The following POT1 variants were observed in gnomAD, a reference collection of about 807,000 sequenced individuals.
POT1 encodes protection of telomeres 1, also known as protection of telomeres protein 1.
Under a neutral mutation model 78.5 loss-of-function variants are expected in POT1, and 47 were observed. That is an observed-to-expected ratio of 0.60 (90% confidence interval 0.47 to 0.76). POT1 has a LOEUF of 0.76. POT1 is among the 30% of genes least tolerant of loss of function. POT1 has a pLI of 0.00. For missense variants in POT1, 646 were observed against 749.9 expected, an observed-to-expected ratio of 0.86 and a Z score of 1.62; for synonymous variants, 259 against 260.7, an observed-to-expected ratio of 0.99 and a Z score of 0.06.
chr7:124,867,672 A>T (rs1795763797), intron 7 of POT1, among the ~76,000 whole-genome samples: 1 of 151,416 alleles, frequency 6.6e-6, no homozygotes, highest in Non-Finnish European at 1.5e-5. Flanking sequence ...TTTTGGATGG[A>T]GTCGTGCTCT....
intron 11 of POT1, among the ~76,000 whole-genome samples, chr7:124,848,362 T>G (rs1033657186): frequency 1.3e-5 from 2 of 152,164 alleles, no homozygotes; most frequent in African/African-American, 4.8e-5. Flanking sequence ...AAATATAAAT[T>G]AATGAATGAA....
intron 3 of POT1, among the ~76,000 whole-genome samples, chr7:124,911,478 A>T (rs1796888397): frequency 6.6e-6 from 1 of 152,136 alleles, no homozygotes; most frequent in Admixed American, 6.6e-5. Flanking sequence ...TCAATATTTT[A>T]AAAATTTTAT....
rs1363149384 is a variant in POT1, at chr7:124,846,181, A to ACACACACACACACACC, written c.1006+760_1006+761insGGTGTGTGTGTGTGTG. Among the ~76,000 whole-genome samples the ACACACACACACACACC allele has an allele frequency of 2.6e-5, 4 of 151,944 alleles. 1 individual carries two copies. Among genetic ancestry groups the ACACACACACACACACC allele is most frequent in the African/African-American group, 9.7e-5 (4 of 41,426 alleles). The stretch of plus-strand genomic sequence containing the variant: ...CATACTGACACACACACACACACAC[A>ACACACACACACACACC]CACCCCTATAATATAAACAAATGTG... On this transcript the variant is annotated intron_variant, in intron 12 of 18. Coordinates refer to ENST00000357628, the MANE Select transcript of POT1 (RefSeq NM_015450.3).
chr7:124,906,673 T>C (rs977814061), intron 3 of POT1, among the ~76,000 whole-genome samples: 3 of 151,994 alleles, frequency 2.0e-5, no homozygotes, highest in African/African-American at 7.2e-5. Flanking sequence ...TAATGTCTTA[T>C]TCATGTGTAT....
chr7:124,870,356 A>G (rs1390079488), intron 7 of POT1, among the ~76,000 whole-genome samples: 2 of 152,090 alleles, frequency 1.3e-5, no homozygotes, highest in Non-Finnish European at 2.9e-5. Flanking sequence ...ACTCTACCCT[A>G]TATTAAAGGC....
At chr7:124,826,888 A>AAACC (rs1203019974) in intron 17 of POT1, among the ~76,000 whole-genome samples, 1 of 151,982 alleles carries the variant, frequency 6.6e-6, no homozygotes, top group Non-Finnish European at 1.5e-5. Flanking sequence ...ACAAACAAAC[A>AAACC]AACAAACAAA....
At position 124,852,981 on chromosome 7, in the gene POT1, T is replaced by G; in HGVS notation, c.860A>C (p.Gln287Pro). 1 of 1,609,978 alleles carries G rather than the reference T, an allele frequency of 6.2e-7. No individual in the cohort carries two copies. ...AATACTAAAAGCTTACTTTTTCAGTTGATCCACATCAGAGTTACTTTCTGG... is the reference window on the plus strand; with the variant it reads ...AATACTAAAAGCTTACTTTTTCAGTGGATCCACATCAGAGTTACTTTCTGG... ...VLPESNSDVD[Q>P]LKKDLESANL... Residue 287 changes from glutamine to proline, a missense_variant, in exon 10 of 19, where the codon CAA becomes CCA. Coordinates refer to ENST00000357628, the MANE Select transcript of POT1 (RefSeq NM_015450.3).
intron 4 of POT1, among the ~76,000 whole-genome samples, chr7:124,897,839 G>A (rs1040613052): frequency 6.6e-6 from 1 of 151,958 alleles, no homozygotes; most frequent in Admixed American, 6.6e-5. Context: ...GTGTGTGTGT[G>A]GAAGGTAGGG....
Position 124,892,364 on chromosome 7 carries a change from T to C in POT1, c.26A>G (p.Tyr9Cys). 2 of 1,474,268 alleles carry C rather than the reference T, an allele frequency of 1.4e-6. No homozygotes were observed. The highest frequency in any genetic ancestry group is 1.8e-6 in the Non-Finnish European group (2 of 1,114,798). The allele number at this position is 1,474,268 out of a possible 1,614,324, so 91.3% of individuals were successfully genotyped here. A position where few individuals can be genotyped will look rare whatever the true frequency, so the allele number is the denominator to read the frequency against. Reference sequence around the variant, plus strand: ...AAGTTGATTCAGGGGTGTATATATATAATTTGTTGCTGGAACCTAAAGAAA... The same window carrying C: ...AAGTTGATTCAGGGGTGTATATATACAATTTGTTGCTGGAACCTAAAGAAA... MSLVPATN[Y>C]IYTPLNQLKG... The change falls in exon 6 of 19, where the codon TAT becomes TGT. Residue 9 changes from tyrosine (Y) to cysteine (C), a missense_variant. Tyr to Cys is a radical substitution (Grantham distance 194, BLOSUM62 -2). This residue lies in a region of POT1 where 252 missense variants were observed against 341.4 expected (regional missense o/e 0.74). Transcript: ENST00000357628.
chr7:124,877,468 G>A (rs1796015932), intron 6 of POT1, among the ~76,000 whole-genome samples: 1 of 151,950 alleles, frequency 6.6e-6, no homozygotes, highest in South Asian at 2.1e-4. Context: ...TAGATAGAGA[G>A]CAGGCCTAGC....
chr7:124,847,587 T>C (rs898268872), intron 11 of POT1, among the ~76,000 whole-genome samples: 3 of 152,190 alleles, frequency 2.0e-5, no homozygotes, highest in African/African-American at 7.2e-5. Context: ...AAATCTAGAA[T>C]ATTAAATAAC....
chr7:124,835,290 T>C lies in POT1; in HGVS notation c.1494A>G (p.Ile498Met), dbSNP rs775892143. ...ACAAAACAAAATACCCATAGTGATG[T>C]ATTGTTCCTTGTATAAGAAATGGTG... is the stretch of plus-strand genomic sequence containing the variant. ...LSAPFLIQGT[I>M]HHYGCKQCSS... The change falls in exon 15 of 19, where the codon ATA becomes ATG. Residue 498 changes from isoleucine to methionine, a missense_variant. Ile to Met is a conservative substitution (Grantham distance 10). Coordinates refer to ENST00000357628, the MANE Select transcript of POT1 (RefSeq NM_015450.3). The C allele has an allele frequency of 1.9e-6, 3 of 1,613,886 alleles. No individual in the cohort carries two copies. The highest frequency in any genetic ancestry group is 1.7e-6 in the Non-Finnish European group (2 of 1,179,874).
chr7:124,844,508 G>A lies in POT1; in HGVS notation c.1007-1545C>T, dbSNP rs528420785. ...TCCCAGCACTTTGGGAGGCCGAGGC[G>A]GGTAGATCACGAGGTCAAGAGAGCG... On this transcript the variant is annotated intron_variant, in intron 12 of 18. Coordinates refer to ENST00000357628, the MANE Select transcript of POT1 (RefSeq NM_015450.3). 1.1e-4 allele frequency among the ~76,000 whole-genome samples: 17 copies of A among 149,432 alleles called. No homozygotes were observed. The East Asian group carries it at 2.2e-3, about 20-fold the overall frequency.
intron 3 of POT1, among the ~76,000 whole-genome samples, chr7:124,901,666 G>A (rs940343276): frequency 2.0e-5 from 3 of 152,202 alleles, no homozygotes; most frequent in African/African-American, 7.2e-5. Flanking sequence ...AACAAAGCTG[G>A]ACAGAGAATA....
intron 2 of POT1, among the ~76,000 whole-genome samples, chr7:124,920,171 C>A (rs994858171): frequency 5.3e-5 from 8 of 152,120 alleles, no homozygotes; most frequent in African/African-American, 1.9e-4. Flanking sequence ...TATTCACCAT[C>A]ACAAAAACTG....
At chr7:124,890,581 AT>A (rs1203264687) in intron 6 of POT1, among the ~76,000 whole-genome samples, 2 of 151,872 alleles carry the variant, frequency 1.3e-5, no homozygotes, top group African/African-American at 4.8e-5. Context: ...TCTTATTTTA[AT>A]AAACTGTCAC....
intron 11 of POT1, chr7:124,848,617 C>T (rs1013709954): frequency 5.8e-4 from 117 of 201,154 alleles, no homozygotes; most frequent in African/African-American, 2.7e-3. Flanking sequence ...GAGCCGAGAC[C>T]GTGCCACTGA....
At chr7:124,920,667 T>G (rs199737954) in intron 2 of POT1, among the ~76,000 whole-genome samples, 1 of 24,240 alleles carries the variant, frequency 4.1e-5, no homozygotes, top group East Asian at 8.0e-4. Context: ...TACTTCAATC[T>G]TTTTTTTTAA....
chr7:124,901,892 T>A (rs1004522149), intron 3 of POT1, among the ~76,000 whole-genome samples: 2 of 152,064 alleles, frequency 1.3e-5, no homozygotes, highest in South Asian at 4.1e-4. Context: ...CAAGCTTCAG[T>A]AGTTGATTGG....
Sources: allele counts gnomAD v4.1 joint callset (sites outside exome capture counted in the v4.1 genomes callset), GRCh38; gene constraint gnomAD v4.1.1; regional missense constraint gnomAD v4.1.1; transcripts MANE v1.5; gene names NCBI Gene and HGNC (gene_info 2026-07-23, HGNC 2026-07-21).